EMID1: variants seen among roughly 807,000 people sequenced by gnomAD.
The protein encoded by EMID1 is EMI domain containing 1, also known as EMI domain-containing protein 1.
EMID1 carries 40 observed loss-of-function variants against 60.6 expected under a neutral mutation model. The observed-to-expected ratio is 0.66, with a 90% CI of 0.51 to 0.86. The LOEUF (loss-of-function observed/expected upper bound fraction) is 0.86. Ranked by LOEUF, EMID1 falls within the 40% of genes least tolerant of loss-of-function variation. The pLI, the probability that EMID1 is intolerant of heterozygous loss-of-function variation, is 0.00. For missense variants in EMID1, 585 were observed against 597.1 expected, an observed-to-expected ratio of 0.98 and a Z score of 0.21; for synonymous variants, 242 against 231.0, an observed-to-expected ratio of 1.05 and a Z score of -0.43.
chr22:29,226,941 C>T (rs79739448), intron 5 of EMID1, among the ~76,000 whole-genome samples: 5,880 of 152,178 alleles, frequency 0.039, 389 homozygotes, highest in African/African-American at 0.13. Flanking sequence ...TAGACACTGC[C>T]CAGAGATCCT....
intron 14 of EMID1, among the ~76,000 whole-genome samples, chr22:29,256,370 C>T (rs1432443438): frequency 1.3e-5 from 2 of 148,252 alleles, no homozygotes; most frequent in African/African-American, 2.5e-5. Context: ...GAGGCTGAGG[C>T]GGAGAATCAC....
chr22:29,218,703 A>G (rs947840898), intron 3 of EMID1, among the ~76,000 whole-genome samples: 3 of 152,174 alleles, frequency 2.0e-5, no homozygotes, highest in African/African-American at 2.4e-5. Context: ...CGAGCCCCAC[A>G]ATCACCTTTT....
chr22:29,231,784 A>G (rs1463972433), intron 7 of EMID1, 102 bp downstream of exon 7: 59 of 1,175,150 alleles, frequency 5.0e-5, no homozygotes, highest in Non-Finnish European at 3.2e-5. Context: ...GGGCCCTTTC[A>G]TCTACTTGCC....
At chr22:29,222,925 A>G (rs1233213640) in intron 3 of EMID1, among the ~76,000 whole-genome samples, 1 of 152,072 alleles carries the variant, frequency 6.6e-6, no homozygotes, top group Non-Finnish European at 1.5e-5. Context: ...CCCCACCTCT[A>G]CTAAAAATAT....
At chr22:29,227,394 C>CTG (rs1404209993) in intron 5 of EMID1, among the ~76,000 whole-genome samples, 1 of 144,878 alleles carries the variant, frequency 6.9e-6, no homozygotes, top group African/African-American at 2.5e-5. Context: ...TGCCATAAAA[C>CTG]TTTTTTTTTT....
chr22:29,217,516 GGCA>G (rs2040132962), intron 3 of EMID1, among the ~76,000 whole-genome samples: 1 of 152,228 alleles, frequency 6.6e-6, no homozygotes, highest in Non-Finnish European at 1.5e-5. Flanking sequence ...CTGCACTCCA[GGCA>G]GCATTCTTCT....
At chr22:29,246,269 G>A (rs1018424312) in intron 13 of EMID1, among the ~76,000 whole-genome samples, 1 of 152,058 alleles carries the variant, frequency 6.6e-6, no homozygotes, top group African/African-American at 2.4e-5. Context: ...CCTTCAGGGT[G>A]TAGGAGGCCA....
intron 1 of EMID1, among the ~76,000 whole-genome samples, chr22:29,210,174 C>T (rs879289477): frequency 5.3e-5 from 8 of 151,842 alleles, no homozygotes; most frequent in Non-Finnish European, 1.0e-4. Context: ...TAGCCGGCCA[C>T]CAGCTCCATG....
chr22:29,228,489 T>C (rs555018978), intron 5 of EMID1, among the ~76,000 whole-genome samples: 2 of 152,322 alleles, frequency 1.3e-5, no homozygotes, highest in Admixed American at 1.3e-4. Flanking sequence ...AAGCATCCTT[T>C]CTTCCAGATT....
At chr22:29,240,781 C>T (rs933685464) in intron 12 of EMID1, among the ~76,000 whole-genome samples, 14 of 152,352 alleles carry the variant, frequency 9.2e-5, no homozygotes, top group African/African-American at 2.4e-4. Context: ...TCCCAGAACT[C>T]GGGGCCTTCA....
chr22:29,241,116 C>G (rs2041139303), intron 12 of EMID1, among the ~76,000 whole-genome samples: 1 of 152,076 alleles, frequency 6.6e-6, no homozygotes, highest in Non-Finnish European at 1.5e-5. Flanking sequence ...GACTGGGTCC[C>G]CCTGGAGTTT....
rs367887985 is a variant in EMID1 at position 29,234,118 on chromosome 22, G to T, written c.967-19G>T. The T allele has an allele frequency of 3.2e-6, 5 of 1,570,218 alleles. No homozygotes were observed. Among genetic ancestry groups the T allele is most frequent in the Non-Finnish European group, 4.3e-6 (5 of 1,156,842 alleles). On this transcript the variant is annotated intron_variant, in intron 10 of 14. Coordinates refer to ENST00000334018, the MANE Select transcript of EMID1 (RefSeq NM_133455.4). ...CATCCTGCCCCAACACAAGGCTGAG[G>T]CCCTGTCTTGTTGCTCAGGGACCCC...
chr22:29,228,320 C>T (rs547426158), intron 5 of EMID1, among the ~76,000 whole-genome samples: 4 of 151,628 alleles, frequency 2.6e-5, no homozygotes, highest in Non-Finnish European at 4.4e-5. Context: ...AGCGAGACTC[C>T]GTCTCAAGAA....
chr22:29,219,605 C>T (rs905931782), intron 3 of EMID1, among the ~76,000 whole-genome samples: 3 of 151,764 alleles, frequency 2.0e-5, no homozygotes, highest in Non-Finnish European at 4.4e-5. Flanking sequence ...CATAGCAAGA[C>T]CCTATCTCAA....
At position 29,225,114 on chromosome 22, in the gene EMID1, C is replaced by G. The variant is rs1449939112; in HGVS notation, c.320-19C>G. The G allele has an allele frequency of 3.7e-6, 6 of 1,613,048 alleles. No individual in the cohort carries two copies. Among genetic ancestry groups the G allele is most frequent in the South Asian group, 3.3e-5 (3 of 91,050 alleles). ...GCAAGGATCACATGCCAGCAGGGCT[C>G]TCACCCTCCATCCCTTAGTTGCAGC... On this transcript the variant is annotated intron_variant, in intron 3 of 14. Coordinates refer to ENST00000334018, the MANE Select transcript of EMID1 (RefSeq NM_133455.4).
intron 2 of EMID1, 115 bp downstream of exon 2, chr22:29,215,154 C>T (rs945558426): frequency 3.9e-5 from 55 of 1,424,612 alleles, no homozygotes; most frequent in East Asian, 5.1e-5. Flanking sequence ...CCAGGGTGGG[C>T]GGAGCAAAGG....
At chr22:29,220,816 G>T (rs1273473366) in intron 3 of EMID1, among the ~76,000 whole-genome samples, 1 of 152,108 alleles carries the variant, frequency 6.6e-6, no homozygotes, top group Non-Finnish European at 1.5e-5. Context: ...CCTGAGAAGG[G>T]GCACAAAGCT....
intron 13 of EMID1, among the ~76,000 whole-genome samples, chr22:29,246,046 C>T (rs1393878567): frequency 6.6e-6 from 1 of 152,224 alleles, no homozygotes; most frequent in Non-Finnish European, 1.5e-5. Context: ...ACAGGACTGT[C>T]AACTTTATAA....
chr22:29,216,473 G>A (rs16987272), intron 3 of EMID1: 124 of 985,436 alleles, frequency 1.3e-4, no homozygotes, highest in Admixed American at 5.5e-4. Context: ...TGAGAACCAG[G>A]CCCAGAGACA....
Sources: gnomAD v4.1 joint callset for allele counts (sites outside exome capture counted in the v4.1 genomes callset) on GRCh38, gnomAD v4.1.1 for gene constraint, MANE v1.5 for transcripts, NCBI Gene and HGNC (gene_info 2026-07-23, HGNC 2026-07-21) for gene names.